The following ANKRD44 variants were observed in gnomAD, a reference collection of about 807,000 sequenced individuals.
ANKRD44 encodes the protein ankyrin repeat domain 44, also known as serine/threonine-protein phosphatase 6 regulatory ankyrin repeat subunit B.
Under a neutral mutation model 116.0 loss-of-function variants are expected in ANKRD44, and 35 were observed. The ratio of observed to expected loss-of-function variants is 0.30; its 90% confidence interval spans 0.23 to 0.40. The LOEUF is 0.40. Ranked by LOEUF, ANKRD44 falls within the 10% of genes least tolerant of loss-of-function variation. The pLI, the probability that ANKRD44 is intolerant of heterozygous loss-of-function variation, is 1.00. For synonymous variants in ANKRD44, 435 were observed against 461.8 expected (o/e 0.94, Z 0.74); for missense variants, 1,014 against 1,242.6 (o/e 0.82, Z 2.77).
intron 15 of ANKRD44, 106 bp from the exon 16 acceptor site, chr2:197,078,920 G>A: frequency 8.4e-7 from 1 of 1,183,450 alleles, no homozygotes; most frequent in Non-Finnish European, 1.1e-6. Context: ...TACTTTATGA[G>A]TTTGTTTCTT....
chr2:197,258,072 CTTT>C (rs1346667702), intron 1 of ANKRD44, among the ~76,000 whole-genome samples: 1 of 151,824 alleles, frequency 6.6e-6, no homozygotes, highest in Non-Finnish European at 1.5e-5. Context: ...AATTCCCTTC[CTTT>C]TTATTTTTTC....
chr2:197,132,681 A>T (rs577131744), intron 4 of ANKRD44, among the ~76,000 whole-genome samples: 1 of 152,200 alleles, frequency 6.6e-6, no homozygotes, highest in African/African-American at 2.4e-5. Flanking sequence ...CCCTGCATGC[A>T]TAAAAGATTA....
rs1209054424 is a variant in ANKRD44 at position 197,099,872 on chromosome 2, T to A, written c.1044A>T (p.Arg348Ser). ...DGNTPLHVAA[R>S]YGHELLINTL... is the part of the protein sequence containing the mutation. The stretch of plus-strand genomic sequence containing the variant: ...TGTTAATCAAAAGCTCATGACCGTA[T>A]CTTGCAGCCACATGGAGAGGAGTGT... Residue 348 changes from arginine to serine, a missense_variant, in exon 10 of 28, where the codon AGA (arginine) becomes AGT (serine). Transcript: ENST00000282272. The A allele has an allele frequency of 6.2e-7, 1 of 1,614,078 alleles. No homozygotes were observed. Among genetic ancestry groups the A allele is most frequent in the Non-Finnish European group, 8.5e-7 (1 of 1,180,044 alleles).
chr2:197,256,345 ATG>A (rs2082446437), intron 1 of ANKRD44, among the ~76,000 whole-genome samples: 1 of 152,190 alleles, frequency 6.6e-6, no homozygotes, highest in African/African-American at 2.4e-5. Flanking sequence ...CTGTTCTATG[ATG>A]TGTTTCTGAC....
chr2:197,285,207 C>T (rs1023544471), intron 1 of ANKRD44, among the ~76,000 whole-genome samples: 1 of 152,078 alleles, frequency 6.6e-6, no homozygotes, highest in Non-Finnish European at 1.5e-5. Context: ...TTGAGCCAAA[C>T]TGCAAAATGT....
intron 16 of ANKRD44, among the ~76,000 whole-genome samples, chr2:197,038,990 C>T (rs2076858657): frequency 6.6e-6 from 1 of 152,032 alleles, no homozygotes; most frequent in African/African-American, 2.4e-5. Context: ...TTTGGAGGTC[C>T]CACAGCAGCT....
At chr2:197,277,929 T>C (rs1353462640) in intron 1 of ANKRD44, among the ~76,000 whole-genome samples, 1 of 152,134 alleles carries the variant, frequency 6.6e-6, no homozygotes, top group Non-Finnish European at 1.5e-5. Flanking sequence ...CCACAAATCA[T>C]AGAAAAGTAA....
chr2:197,219,762 G>A (rs1483708301), intron 1 of ANKRD44, among the ~76,000 whole-genome samples: 1 of 151,884 alleles, frequency 6.6e-6, no homozygotes, highest in African/African-American at 2.4e-5. Context: ...TTTTATATTT[G>A]TAATAGGAGA....
intron 16 of ANKRD44, among the ~76,000 whole-genome samples, chr2:197,055,183 G>T (rs891341088): frequency 6.6e-6 from 1 of 152,142 alleles, no homozygotes. Context: ...GCATTTCCTT[G>T]ATGACTATTA....
At position 197,050,605 on chromosome 2, in the gene ANKRD44, T is replaced by C. The variant is rs539127352; in HGVS notation, c.1651-25338A>G. On this transcript the variant is annotated intron_variant, in intron 16 of 27. Transcript: ENST00000282272. ...GCTCAGCTAATTCTTGTATTTTCAG[T>C]GGAGACAGGGTTTCATCATATTGTC... Among the ~76,000 whole-genome samples, 21 of 152,104 alleles carry C rather than the reference T, an allele frequency of 1.4e-4. 1 individual carries two copies. The South Asian group carries it at 3.7e-3, about 27-fold the overall frequency.
At chr2:197,259,020 T>G (rs952648630) in intron 1 of ANKRD44, among the ~76,000 whole-genome samples, 1 of 152,222 alleles carries the variant, frequency 6.6e-6, no homozygotes. Context: ...GTTATTCAGG[T>G]CTCAACCACC....
chr2:197,277,668 C>T (rs891600400), intron 1 of ANKRD44, among the ~76,000 whole-genome samples: 1 of 152,114 alleles, frequency 6.6e-6, no homozygotes, highest in Admixed American at 6.5e-5. Context: ...CTTAACCACG[C>T]AGCTAATACT....
downstream of ANKRD44, among the ~76,000 whole-genome samples, chr2:196,981,880 A>G (rs2075803222): frequency 6.6e-6 from 1 of 151,826 alleles, no homozygotes; most frequent in Admixed American, 6.6e-5. Flanking sequence ...CAATTGAGAC[A>G]ATAGAAATCA....
Position 196,988,666 on chromosome 2 carries a change from G to A in ANKRD44, c.*925C>T, listed in dbSNP as rs2075866662. On this transcript the variant is annotated 3_prime_UTR_variant, in exon 28 of 28. Coordinates refer to ENST00000282272, the MANE Select transcript of ANKRD44 (RefSeq NM_001195144.2). ...AATATCTCACATACACTATAAAATA[G>A]CAATTTCCAGGGTGGAAATGGAACT... 1.0e-6 allele frequency: 1 copy of A among 984,900 alleles called. No homozygotes were observed. Among genetic ancestry groups the A allele is most frequent in the South Asian group, 4.7e-5 (1 of 21,280 alleles). The allele number at this position is 984,900 out of a possible 1,614,324, so 61.0% of individuals were successfully genotyped here. A position where few individuals can be genotyped will look rare whatever the true frequency, so the allele number is the denominator to read the frequency against.
rs2077258917 is a variant in ANKRD44, at chr2:197,059,058, C to A, written c.1650+19645G>T. ...ATCTAGATGATATTCCCAGGCTACC[C>A]TGAATTATATTATCATGGTGGTAAT... On this transcript the variant is annotated intron_variant, in intron 16 of 27. Coordinates refer to ENST00000282272, the MANE Select transcript of ANKRD44 (RefSeq NM_001195144.2). 3.3e-5 allele frequency among the ~76,000 whole-genome samples: 5 copies of A among 152,168 alleles called. No individual in the cohort carries two copies. The South Asian group carries it at 1.0e-3, about 32-fold the overall frequency.
rs1162478063 is a variant in ANKRD44 at position 196,987,943 on chromosome 2, T to G, written c.*1648A>C. 1.0e-6 allele frequency: 1 copy of G among 984,598 alleles called. No individual in the cohort carries two copies. The highest frequency in any genetic ancestry group is 1.2e-6 in the Non-Finnish European group (1 of 829,518). The allele number at this position is 984,598 out of a possible 1,614,324, so 61.0% of individuals were successfully genotyped here. A position where few individuals can be genotyped will look rare whatever the true frequency, so the allele number is the denominator to read the frequency against. On this transcript the variant is annotated 3_prime_UTR_variant, in exon 28 of 28. Coordinates refer to ENST00000282272, the MANE Select transcript of ANKRD44 (RefSeq NM_001195144.2). ...TTTTAAAGTCATTTCTTTAAAAAAATTTTGCCTTGGGGTATGGGAGAAAGA... is the reference window on the plus strand; with the variant it reads ...TTTTAAAGTCATTTCTTTAAAAAAAGTTTGCCTTGGGGTATGGGAGAAAGA...
Position 197,125,374 on chromosome 2 carries a change from T to A in ANKRD44, c.550+7A>T. 2.5e-6 allele frequency: 4 copies of A among 1,612,754 alleles called. No individual in the cohort carries two copies. The highest frequency in any genetic ancestry group is 3.4e-6 in the Non-Finnish European group (4 of 1,178,686). On this transcript the variant is annotated splice_region_variant and intron_variant, in intron 6 of 27. Coordinates refer to ENST00000282272, the MANE Select transcript of ANKRD44 (RefSeq NM_001195144.2). ...TGTACTTTGCTTTCCATGCATGGAA[T>A]CCTTACCCATGTATGCTGCCCAGTG... is the stretch of plus-strand genomic sequence containing the variant.
chr2:197,224,761 T>C (rs893217495), intron 1 of ANKRD44, among the ~76,000 whole-genome samples: 5 of 152,140 alleles, frequency 3.3e-5, no homozygotes, highest in Admixed American at 2.0e-4. Flanking sequence ...GGAAAAAAGG[T>C]GAAGGGTTGG....
At chr2:197,081,578 G>A (rs2077796450) in intron 15 of ANKRD44, 67 bp downstream of exon 15, 1 of 1,412,006 alleles carries the variant, frequency 7.1e-7, no homozygotes, top group South Asian at 1.2e-5. Flanking sequence ...CAGGCAACGT[G>A]GCAACTCAGA....
Sources: gnomAD v4.1 joint callset for allele counts (sites outside exome capture counted in the v4.1 genomes callset) on GRCh38, gnomAD v4.1.1 for gene constraint, MANE v1.5 for transcripts, NCBI Gene and HGNC (gene_info 2026-07-23, HGNC 2026-07-21) for gene names.